Variants in DNAJB14 observed in about 807,000 individuals in gnomAD.
DNAJB14 encodes DnaJ heat shock protein family (Hsp40) member B14, also known as dnaJ homolog subfamily B member 14.
Under a neutral mutation model 48.4 loss-of-function variants are expected in DNAJB14, and 22 were observed. That is an observed-to-expected ratio of 0.45 (90% CI 0.32 to 0.65). The LOEUF (loss-of-function observed/expected upper bound fraction) is 0.65, where lower values mean the gene tolerates loss of function less well. DNAJB14 is among the 30% of genes least tolerant of loss of function. The pLI, the probability that DNAJB14 is intolerant of heterozygous loss-of-function variation, is 0.03. For synonymous variants in DNAJB14, 142 were observed against 158.7 expected (o/e 0.89, Z 0.79); for missense variants, 319 against 458.8 (o/e 0.70, Z 2.78).
chr4:99,936,388 C>A (rs766006292), intron 1 of DNAJB14, among the ~76,000 whole-genome samples: 6 of 152,114 alleles, frequency 3.9e-5, no homozygotes, highest in Non-Finnish European at 7.4e-5. Flanking sequence ...GTCACAGATA[C>A]TAAAATTAAT....
intron 1 of DNAJB14, chr4:99,942,471 C>T (rs1471219885): frequency 6.6e-6 from 1 of 152,020 alleles, no homozygotes; most frequent in Non-Finnish European, 1.5e-5. Flanking sequence ...ACTACAGTTA[C>T]TGAGTTCTGC....
At chr4:99,942,344 T>G (rs896514139) in intron 1 of DNAJB14, 3 of 151,880 alleles carry the variant, frequency 2.0e-5, no homozygotes, top group African/African-American at 7.3e-5. Flanking sequence ...AAAAAAAATC[T>G]ACAAACTATT....
chr4:99,927,050 C>CT (rs1681475834), intron 2 of DNAJB14: 1 of 152,156 alleles, frequency 6.6e-6, no homozygotes, highest in Admixed American at 6.6e-5. Context: ...GTTTGTCACA[C>CT]TTTTTACAAT....
chr4:99,937,811 TG>T (rs755412105), intron 1 of DNAJB14, among the ~76,000 whole-genome samples: 18 of 151,162 alleles, frequency 1.2e-4, no homozygotes, highest in Non-Finnish European at 8.8e-5. Flanking sequence ...CTGGGCATGG[TG>T]GCTCATGCCT....
At chr4:99,937,733 C>T (rs1209657967) in intron 1 of DNAJB14, among the ~76,000 whole-genome samples, 1 of 151,664 alleles carries the variant, frequency 6.6e-6, no homozygotes, top group Admixed American at 6.6e-5. Flanking sequence ...AAAAGGAACA[C>T]ACGTCACTTC....
intron 4 of DNAJB14, among the ~76,000 whole-genome samples, chr4:99,908,343 G>A (rs1046414610): frequency 6.6e-6 from 1 of 151,996 alleles, no homozygotes; most frequent in African/African-American, 2.4e-5. Flanking sequence ...TATTTACAAA[G>A]ATCTCTAGGG....
chr4:99,922,687 CA>C, intron 3 of DNAJB14: 1 of 158,334 alleles, frequency 6.3e-6, no homozygotes. Context: ...CTTAAAAACT[CA>C]AAAAAACTAT....
At position 99,901,167 on chromosome 4, in the gene DNAJB14, A is replaced by G. The variant is rs1725282898; in HGVS notation, c.1016-15T>C. 6.4e-7 allele frequency: 1 copy of G among 1,572,652 alleles called. No homozygotes were observed. Among genetic ancestry groups the G allele is most frequent in the African/African-American group, 1.4e-5 (1 of 72,082 alleles). On this transcript the variant is annotated splice_polypyrimidine_tract_variant and intron_variant, in intron 7 of 7. Coordinates refer to ENST00000442697, the MANE Select transcript of DNAJB14 (RefSeq NM_001031723.4). ...CATATCTGTTTCTGTTAATAAAGAA[A>G]AATATTTTGCTAATTGAATAAAATT...
In DNAJB14 at chr4:99,898,325, C is replaced by G. The variant is rs925751230; in HGVS notation, c.*2703G>C. 7 of 151,888 alleles carry G rather than the reference C, an allele frequency of 4.6e-5. No individual in the cohort carries two copies. Among genetic ancestry groups the G allele is most frequent in the African/African-American group, 1.4e-4 (6 of 41,430 alleles). 9.4% of individuals were successfully genotyped at this position (151,888 alleles called of 1,614,324 possible). A position where few individuals can be genotyped will look rare whatever the true frequency, so the allele number is the denominator to read the frequency against. On this transcript the variant is annotated 3_prime_UTR_variant, in exon 8 of 8. Coordinates refer to ENST00000442697, the MANE Select transcript of DNAJB14 (RefSeq NM_001031723.4). ...GCATGTAATGATTATGAAACAAATACTTATTTAGGTGTTCAAATGTAATCT... is the reference window on the plus strand; with the variant it reads ...GCATGTAATGATTATGAAACAAATAGTTATTTAGGTGTTCAAATGTAATCT...
At chr4:99,915,108 C>T (rs184591021) in intron 3 of DNAJB14, among the ~76,000 whole-genome samples, 1 of 152,232 alleles carries the variant, frequency 6.6e-6, no homozygotes, top group Non-Finnish European at 1.5e-5. Context: ...TGAGGCTGTT[C>T]TTCTTTTCTA....
At chr4:99,943,470 G>C (rs1726951846) in intron 1 of DNAJB14, among the ~76,000 whole-genome samples, 1 of 152,066 alleles carries the variant, frequency 6.6e-6, no homozygotes. Flanking sequence ...CATTTGGGTG[G>C]GTTTTAAGAA....
At chr4:99,905,317 A>T (rs1725426134) in intron 6 of DNAJB14, among the ~76,000 whole-genome samples, 2 of 152,040 alleles carry the variant, frequency 1.3e-5, no homozygotes, top group African/African-American at 4.8e-5. Flanking sequence ...TTTGCCTTTA[A>T]TGTCAACACA....
chr4:99,916,052 TAATA>T lies in DNAJB14; in HGVS notation c.451+6984_451+6987del, dbSNP rs542262237. Among the ~76,000 whole-genome samples the T allele has an allele frequency of 2.7e-3, 405 of 152,338 alleles. 2 individuals are homozygous for T. The highest frequency in any genetic ancestry group is 9.4e-3 in the African/African-American group (392 of 41,582). On this transcript the variant is annotated intron_variant, in intron 3 of 7. Transcript: ENST00000442697. ...ATAGCAACTCCTGTTTTCTTTTGAT[TAATA>T]TTTACATGATATATTTTTTCAATCT...
intron 3 of DNAJB14, among the ~76,000 whole-genome samples, chr4:99,909,846 T>C (rs1456383073): frequency 6.6e-6 from 1 of 152,056 alleles, no homozygotes; most frequent in African/African-American, 2.4e-5. Flanking sequence ...CAGAAAATTG[T>C]TAAAATTTAC....
intron 3 of DNAJB14, among the ~76,000 whole-genome samples, chr4:99,910,583 A>G (rs981746534): frequency 2.0e-5 from 3 of 152,026 alleles, no homozygotes; most frequent in Non-Finnish European, 4.4e-5. Flanking sequence ...AATAATTTCT[A>G]AACATTAAGA....
At chr4:99,930,231 G>T (rs1055032017) in intron 2 of DNAJB14, 3 of 368,064 alleles carry the variant, frequency 8.2e-6, no homozygotes, top group East Asian at 4.3e-5. Flanking sequence ...TTTGGAAAAA[G>T]CTTTGTAACT....
chr4:99,902,132 G>A (rs568064895), intron 7 of DNAJB14, among the ~76,000 whole-genome samples: 7 of 152,192 alleles, frequency 4.6e-5, no homozygotes, highest in Admixed American at 3.9e-4. Context: ...TAGATAAACC[G>A]AAGTTCACAC....
chr4:99,918,223 A>G (rs1316803228), intron 3 of DNAJB14, among the ~76,000 whole-genome samples: 2 of 151,978 alleles, frequency 1.3e-5, no homozygotes, highest in African/African-American at 4.8e-5. Context: ...TAGCTCACCA[A>G]TTATTTCCTC....
intron 2 of DNAJB14, chr4:99,926,590 C>G (rs948499710): frequency 1.3e-5 from 2 of 152,028 alleles, no homozygotes; most frequent in East Asian, 3.9e-4. Flanking sequence ...TAATTATGTT[C>G]CAGATTAAGC....
Sources: gnomAD v4.1 joint callset for allele counts (sites outside exome capture counted in the v4.1 genomes callset) on GRCh38, gnomAD v4.1.1 for gene constraint, MANE v1.5 for transcripts, NCBI Gene and HGNC (gene_info 2026-07-23, HGNC 2026-07-21) for gene names.